Variants in HERC3 observed in about 807,000 individuals in gnomAD.
HERC3 encodes HECT and RLD domain containing E3 ubiquitin protein ligase 3.
A neutral mutation model predicts 129.9 loss-of-function variants in HERC3; 58 were observed. That is an observed-to-expected ratio of 0.45 (90% CI 0.36 to 0.56). The LOEUF (loss-of-function observed/expected upper bound fraction) is 0.56, where lower values mean the gene tolerates loss of function less well. Ranked by LOEUF, HERC3 falls within the 20% of genes least tolerant of loss-of-function variation. HERC3 has a pLI of 0.00. For missense variants in HERC3, 835 were observed against 1,244.2 expected (o/e 0.67, Z 4.95); for synonymous variants, 430 against 451.0 (o/e 0.95, Z 0.59).
At chr4:88,682,927 A>G (rs905852197) in intron 21 of HERC3, among the ~76,000 whole-genome samples, 1 of 152,150 alleles carries the variant, frequency 6.6e-6, no homozygotes, top group African/African-American at 2.4e-5. Context: ...GAACTAGTTT[A>G]CAGTCCCATC....
intron 3 of HERC3, among the ~76,000 whole-genome samples, chr4:88,635,592 C>T (rs1727289911): frequency 6.6e-6 from 1 of 152,016 alleles, no homozygotes; most frequent in African/African-American, 2.4e-5. Context: ...GGATATTATC[C>T]AGGAGAACTT....
chr4:88,565,678 G>T, the HERC3 span, among the ~76,000 whole-genome samples: 2 of 151,850 alleles, frequency 1.3e-5, no homozygotes, highest in Non-Finnish European at 2.9e-5. Context: ...TATTCATTCA[G>T]CCACTCTATT....
At chr4:88,617,189 A>G (rs1320802692) in intron 3 of HERC3, among the ~76,000 whole-genome samples, 1 of 150,776 alleles carries the variant, frequency 6.6e-6, no homozygotes, top group Non-Finnish European at 1.5e-5. Context: ...AAAAAAAAAA[A>G]AAAAAAAAAA....
the HERC3 span, chr4:88,528,070 A>G: frequency 3.4e-6 from 1 of 295,828 alleles, no homozygotes; most frequent in Non-Finnish European, 6.8e-6. Context: ...TATCAGAATC[A>G]TCACCATCTG....
chr4:88,562,114 G>T, the HERC3 span, among the ~76,000 whole-genome samples: 49 of 152,066 alleles, frequency 3.2e-4, no homozygotes, highest in Non-Finnish European at 5.7e-4. Context: ...TCCCACCAAC[G>T]GTGTACAAGG....
chr4:88,661,965 G>A (rs1285804552), intron 10 of HERC3, among the ~76,000 whole-genome samples: 3 of 152,164 alleles, frequency 2.0e-5, no homozygotes, highest in Non-Finnish European at 4.4e-5. Flanking sequence ...AAGTTGTACT[G>A]AGTTGGTTTC....
rs1729466227 is a variant in HERC3, at chr4:88,653,063, G to A, written c.658G>A (p.Gly220Arg). ...TTTTGGCTGGGGGATGAATAATGCC[G>A]GGCAGCTAGGGCTCAGTGATGAAAA... ...AVFGWGMNNA[G>R]QLGLSDEKDR... Residue 220 changes from glycine to arginine, a missense_variant, in exon 6 of 26, where the codon GGG becomes AGG. Gly to Arg is a moderately radical substitution (Grantham distance 125). Coordinates refer to ENST00000402738, the MANE Select transcript of HERC3 (RefSeq NM_014606.3). The A allele has an allele frequency of 1.9e-6, 3 of 1,614,142 alleles. No homozygotes were observed. The highest frequency in any genetic ancestry group is 2.5e-6 in the Non-Finnish European group (3 of 1,180,014).
chr4:88,547,396 A>T, the HERC3 span, among the ~76,000 whole-genome samples: 2 of 152,210 alleles, frequency 1.3e-5, no homozygotes, highest in Non-Finnish European at 2.9e-5. Flanking sequence ...TTAAAATGTA[A>T]AATTTAATGG....
chr4:88,615,319 A>G (rs1724788164), intron 3 of HERC3, among the ~76,000 whole-genome samples: 1 of 152,130 alleles, frequency 6.6e-6, no homozygotes, highest in Non-Finnish European at 1.5e-5. Context: ...CTGATATTTT[A>G]CATCTCTTCA....
chr4:88,546,403 A>G, the HERC3 span, among the ~76,000 whole-genome samples: 6 of 152,324 alleles, frequency 3.9e-5, no homozygotes, highest in East Asian at 1.9e-4. Flanking sequence ...GCCAGGAAAA[A>G]GGAGAACTTG....
At chr4:88,607,559 G>A (rs1723805976) in intron 3 of HERC3, among the ~76,000 whole-genome samples, 1 of 152,070 alleles carries the variant, frequency 6.6e-6, no homozygotes, top group South Asian at 2.1e-4. Flanking sequence ...CGCCTCCCAG[G>A]CTGCAGATAT....
chr4:88,705,851 G>C (rs1299524497), intron 25 of HERC3, among the ~76,000 whole-genome samples: 1 of 152,122 alleles, frequency 6.6e-6, no homozygotes, highest in Non-Finnish European at 1.5e-5. Flanking sequence ...GCTCACATGG[G>C]AGCAAGGATG....
chr4:88,592,049 C>A (rs10084789), upstream of HERC3, among the ~76,000 whole-genome samples: 6,530 of 152,246 alleles, frequency 0.043, 174 homozygotes, highest in Middle Eastern at 0.13. Context: ...AGCGCACTCT[C>A]CCTCAATTGT....
At chr4:88,673,195 A>G (rs1731795917) in intron 16 of HERC3, among the ~76,000 whole-genome samples, 1 of 152,290 alleles carries the variant, frequency 6.6e-6, no homozygotes, top group African/African-American at 2.4e-5. Flanking sequence ...AAAGCTCGAC[A>G]TCTTGCTGTA....
chr4:88,602,402 C>CAAA (rs112656963), intron 2 of HERC3, among the ~76,000 whole-genome samples: 8 of 51,176 alleles, frequency 1.6e-4, no homozygotes, highest in African/African-American at 3.3e-4. Context: ...ACTTGGTCTC[C>CAAA]AAAAAAAAAA....
chr4:88,687,247 CAGA>C lies in HERC3; in HGVS notation c.2611_2613del (p.Lys871del). ...CCGAGAAAGCTATGGAGTGATTGAA[CAGA>C]AGAAGCTGATACCTGGGGGAGATAA... On this transcript the variant is annotated inframe_deletion, in exon 23 of 26. Coordinates refer to ENST00000402738, the MANE Select transcript of HERC3 (RefSeq NM_014606.3). 1 of 1,612,752 alleles carries C rather than the reference CAGA, an allele frequency of 6.2e-7. No individual in the cohort carries two copies. The highest frequency in any genetic ancestry group is 8.5e-7 in the Non-Finnish European group (1 of 1,178,994).
intron 2 of HERC3, among the ~76,000 whole-genome samples, chr4:88,597,560 G>C (rs1017479585): frequency 6.6e-6 from 1 of 152,168 alleles, no homozygotes; most frequent in Non-Finnish European, 1.5e-5. Flanking sequence ...CCCACCAGCT[G>C]TCTATGAGGG....
At chr4:88,562,408 C>T in the HERC3 span, among the ~76,000 whole-genome samples, 2 of 151,974 alleles carry the variant, frequency 1.3e-5, no homozygotes, top group Admixed American at 1.3e-4. Context: ...GTTATTAATC[C>T]TCTGTCAGAT....
intron 23 of HERC3, chr4:88,697,855 TGCG>T (rs1734821236): frequency 2.8e-5 from 41 of 1,472,444 alleles, no homozygotes; most frequent in Non-Finnish European, 3.6e-5. Flanking sequence ...GGCGGTGACG[TGCG>T]GCCGCGGGAA....
Sources: gnomAD v4.1 joint callset for allele counts (sites outside exome capture counted in the v4.1 genomes callset) on GRCh38, gnomAD v4.1.1 for gene constraint, MANE v1.5 for transcripts, NCBI Gene and HGNC (gene_info 2026-07-23, HGNC 2026-07-21) for gene names.